The following MAN2A1 variants were observed in gnomAD, a reference collection of about 807,000 sequenced individuals.
MAN2A1 encodes the protein alpha-mannosidase 2.
MAN2A1 carries 76 observed loss-of-function variants against 142.6 expected under a neutral mutation model. That is an observed-to-expected ratio of 0.53 (90% CI 0.44 to 0.65). The LOEUF is 0.65. MAN2A1 is among the 30% of genes least tolerant of loss of function. The pLI, the probability that MAN2A1 is intolerant of heterozygous loss-of-function variation, is 0.00. For synonymous variants in MAN2A1, 559 were observed against 473.2 expected, an observed-to-expected ratio of 1.18 and a Z score of -2.35; for missense variants, 1,311 against 1,365.1, an observed-to-expected ratio of 0.96 and a Z score of 0.62.
intron 4 of MAN2A1, among the ~76,000 whole-genome samples, chr5:109,754,885 C>T (rs773934954): frequency 2.0e-5 from 3 of 152,208 alleles, no homozygotes; most frequent in South Asian, 2.1e-4. Context: ...CCTGTAATCC[C>T]GGTTACTCGG....
In MAN2A1 at chr5:109,855,407, GA is replaced by G. The variant is rs1755582983; in HGVS notation, c.3171+80del. The stretch of plus-strand genomic sequence containing the variant: ...TTGTTTTAAGGGGGTAAGGAAAGGA[GA>G]AAAAAATAATGTATGCTTTACTATG... On this transcript the variant is annotated intron_variant, in intron 20 of 21. Coordinates refer to ENST00000261483, the MANE Select transcript of MAN2A1 (RefSeq NM_002372.4). 1.4e-5 allele frequency: 13 copies of G among 953,174 alleles called. No individual in the cohort carries two copies. In the South Asian group the frequency reaches 2.2e-4, roughly 16 times the overall value. The allele number at this position is 953,174 out of a possible 1,614,324, so 59.0% of individuals were successfully genotyped here. A position where few individuals can be genotyped will look rare whatever the true frequency, so the allele number is the denominator to read the frequency against.
intron 20 of MAN2A1, chr5:109,862,617 A>G (rs562421036): frequency 6.6e-6 from 1 of 152,214 alleles, no homozygotes. Context: ...CCTAGAGCAT[A>G]CAGTGTGACT....
At chr5:109,709,614 A>G (rs560965668) in intron 1 of MAN2A1, among the ~76,000 whole-genome samples, 38 of 152,272 alleles carry the variant, frequency 2.5e-4, no homozygotes, top group Middle Eastern at 3.4e-3. Context: ...ACATTGATTG[A>G]TTTTGTTCAT....
intron 5 of MAN2A1, among the ~76,000 whole-genome samples, chr5:109,762,918 C>T (rs1752891439): frequency 1.3e-5 from 2 of 152,148 alleles, no homozygotes; most frequent in Admixed American, 1.3e-4. Flanking sequence ...AAATAATATT[C>T]TGATGAGCAA....
At chr5:109,740,457 G>A (rs1311067083) in intron 4 of MAN2A1, among the ~76,000 whole-genome samples, 1 of 152,180 alleles carries the variant, frequency 6.6e-6, no homozygotes, top group Non-Finnish European at 1.5e-5. Flanking sequence ...CTGCTTCACA[G>A]AGTCCAGCCA....
intron 8 of MAN2A1, among the ~76,000 whole-genome samples, chr5:109,775,496 G>A (rs1312558780): frequency 6.7e-6 from 1 of 149,398 alleles, no homozygotes; most frequent in South Asian, 2.1e-4. Flanking sequence ...TTTTTCTTAT[G>A]GAAAATTTAA....
intron 15 of MAN2A1, among the ~76,000 whole-genome samples, chr5:109,821,497 C>CT (rs1754621676): frequency 6.6e-6 from 1 of 152,122 alleles, no homozygotes; most frequent in African/African-American, 2.4e-5. Flanking sequence ...CTGTGTACTG[C>CT]TTATCTTCCC....
chr5:109,751,154 T>C (rs922526133), intron 4 of MAN2A1, among the ~76,000 whole-genome samples: 3 of 151,942 alleles, frequency 2.0e-5, no homozygotes, highest in Non-Finnish European at 2.9e-5. Flanking sequence ...AGTCAAATAC[T>C]CTTCCCAGCC....
At chr5:109,738,283 A>G (rs535366576) in intron 4 of MAN2A1, among the ~76,000 whole-genome samples, 7 of 98,822 alleles carry the variant, frequency 7.1e-5, no homozygotes, top group East Asian at 2.8e-4. Context: ...TGGCTTCTGT[A>G]TTAGCTCATT....
At chr5:109,758,471 T>C (rs1210641484) in intron 5 of MAN2A1, among the ~76,000 whole-genome samples, 3 of 151,590 alleles carry the variant, frequency 2.0e-5, no homozygotes, top group East Asian at 3.9e-4. Flanking sequence ...CATTCTGTGG[T>C]TTTTTCACTT....
Position 109,865,163 on chromosome 5 carries a change from A to T in MAN2A1, c.3282+17A>T. 3 of 1,568,008 alleles carry T rather than the reference A, an allele frequency of 1.9e-6. No homozygotes were observed. Among genetic ancestry groups the T allele is most frequent in the Non-Finnish European group, 2.6e-6 (3 of 1,138,212 alleles). On this transcript the variant is annotated intron_variant, in intron 21 of 21. Transcript: ENST00000261483. ...CAGGGAAAGGTAAGTTGAAAAGGTT[A>T]TTTTTGCTTACTGTTAGTGTGCTTT...
At chr5:109,796,686 A>G (rs1462524552) in intron 12 of MAN2A1, among the ~76,000 whole-genome samples, 1 of 152,192 alleles carries the variant, frequency 6.6e-6, no homozygotes, top group Non-Finnish European at 1.5e-5. Context: ...TTGTTGAAGA[A>G]AGAAGCCTTC....
At chr5:109,790,305 T>C (rs887371246) in intron 12 of MAN2A1, among the ~76,000 whole-genome samples, 4 of 151,788 alleles carry the variant, frequency 2.6e-5, no homozygotes, top group African/African-American at 9.7e-5. Context: ...TAAATATATT[T>C]TATTAAAATT....
chr5:109,776,304 C>G (rs1011353470), intron 8 of MAN2A1, among the ~76,000 whole-genome samples: 1 of 151,842 alleles, frequency 6.6e-6, no homozygotes, highest in Non-Finnish European at 1.5e-5. Context: ...ATAAATAAAC[C>G]TAATAAAATA....
chr5:109,820,655 A>G (rs1754598901), intron 15 of MAN2A1, among the ~76,000 whole-genome samples: 1 of 152,122 alleles, frequency 6.6e-6, no homozygotes, highest in South Asian at 2.1e-4. Flanking sequence ...CAAAAAATAC[A>G]AAAATTAGGC....
intron 17 of MAN2A1, among the ~76,000 whole-genome samples, chr5:109,843,153 G>A (rs1428580235): frequency 6.6e-6 from 1 of 152,098 alleles, no homozygotes; most frequent in African/African-American, 2.4e-5. Context: ...AAATACCCAA[G>A]ACTGGGTAAT....
chr5:109,698,042 A>G (rs563058685), intron 1 of MAN2A1, among the ~76,000 whole-genome samples: 5 of 152,322 alleles, frequency 3.3e-5, no homozygotes, highest in African/African-American at 1.2e-4. Flanking sequence ...GTTCTGGGCC[A>G]TGAACTAGGC....
chr5:109,858,292 A>G (rs1394449984), intron 20 of MAN2A1, among the ~76,000 whole-genome samples: 1 of 152,200 alleles, frequency 6.6e-6, no homozygotes, highest in Non-Finnish European at 1.5e-5. Flanking sequence ...TAGTAATCCA[A>G]AGGAAGGACT....
In MAN2A1 at chr5:109,690,609, G is replaced by A. The variant is rs1750639129; in HGVS notation, c.135+57G>A. ...GAGGGGCCAGGCGTGCGGGCCCCTGGTTAGCGGCTGCTACCCAACCTCTTC... is the reference window on the plus strand; with the variant it reads ...GAGGGGCCAGGCGTGCGGGCCCCTGATTAGCGGCTGCTACCCAACCTCTTC... On this transcript the variant is annotated intron_variant, in intron 1 of 21. Transcript: ENST00000261483. 5 of 1,534,294 alleles carry A rather than the reference G, an allele frequency of 3.3e-6. No individual in the cohort carries two copies. In the South Asian group the frequency reaches 5.9e-5, roughly 18 times the overall value.
Sources: gnomAD v4.1 joint callset for allele counts (sites outside exome capture counted in the v4.1 genomes callset) on GRCh38, gnomAD v4.1.1 for gene constraint, MANE v1.5 for transcripts, NCBI Gene and HGNC (gene_info 2026-07-23, HGNC 2026-07-21) for gene names.